CACNA1S: variants seen among roughly 807,000 people sequenced by gnomAD.
CACNA1S encodes voltage-dependent L-type calcium channel subunit alpha-1S.
In CACNA1S, 126 loss-of-function variants were observed where a neutral mutation model predicts 207.4. The ratio of observed to expected loss-of-function variants is 0.61; its 90% CI spans 0.53 to 0.70. The LOEUF (loss-of-function observed/expected upper bound fraction) is 0.70, where lower values mean the gene tolerates loss of function less well. Ranked by LOEUF, CACNA1S falls within the 30% of genes least tolerant of loss-of-function variation. The pLI, the probability that CACNA1S is intolerant of heterozygous loss-of-function variation, is 0.00. For missense variants in CACNA1S, 2,349 were observed against 2,422.8 expected (o/e 0.97, Z 0.64); for synonymous variants, 960 against 932.7 (o/e 1.03, Z -0.53).
intron 15 of CACNA1S, among the ~76,000 whole-genome samples, chr1:201,073,224 T>G (rs1211272989): frequency 6.6e-6 from 1 of 152,112 alleles, no homozygotes; most frequent in East Asian, 1.9e-4. Flanking sequence ...AGGGCAGGGC[T>G]AGCAATGGTG....
In CACNA1S at chr1:201,066,931, C is replaced by A. The variant is rs770064983; in HGVS notation, c.2613G>T (p.Leu871=). 6.2e-7 allele frequency: 1 copy of A among 1,614,220 alleles called. No homozygotes were observed. Among genetic ancestry groups the A allele is most frequent in the Non-Finnish European group, 8.5e-7 (1 of 1,180,030 alleles). ...GGGACACGGCCACCACCAGCAGGTCCAGCATGTTGAAGTAATTGCGGCAGA... is the reference window on the plus strand; with the variant it reads ...GGGACACGGCCACCACCAGCAGGTCAAGCATGTTGAAGTAATTGCGGCAGA... ...GSFCRNYFNM[L]DLLVVAVSLI... is the part of the protein sequence containing the mutation. The change falls in exon 20 of 44, where the codon CTG becomes CTT. Residue 871 remains leucine, a synonymous_variant. Transcript: ENST00000362061. This position sits in a 1 kb window ranked among gnomAD's most constrained non-coding sequence, Gnocchi z 4.3.
intron 19 of CACNA1S, among the ~76,000 whole-genome samples, chr1:201,067,697 G>T (rs1053875009): frequency 6.6e-6 from 1 of 152,040 alleles, no homozygotes; most frequent in Non-Finnish European, 1.5e-5. Context: ...TCCTTATAAT[G>T]CACTTGCTAC....
In CACNA1S at chr1:201,053,088, G is replaced by A. The variant is rs935965940; in HGVS notation, c.3861+121C>T. The A allele has an allele frequency of 1.7e-5, 19 of 1,146,196 alleles. No individual in the cohort carries two copies. Among genetic ancestry groups the A allele is most frequent in the Middle Eastern group, 2.0e-4 (1 of 5,082 alleles). 71.0% of individuals were successfully genotyped at this position (1,146,196 alleles called of 1,614,324 possible). A position where few individuals can be genotyped will look rare whatever the true frequency, so the allele number is the denominator to read the frequency against. ...GAGGTTGTCCCTCCTTCTTTCTCAC[G>A]AGCAAGGCAGGGAGGGCGGAGGGTC... On this transcript the variant is annotated intron_variant, in intron 31 of 43. Transcript: ENST00000362061. The surrounding 1 kb of genome is among the most constrained non-coding windows in gnomAD (Gnocchi z 5.1).
chr1:201,044,181 G>C (rs1558052523), intron 39 of CACNA1S, 147 bp downstream of exon 39: 8 of 857,578 alleles, frequency 9.3e-6, no homozygotes, highest in Non-Finnish European at 1.5e-5. Context: ...TCCCAGGAGA[G>C]GTGGGTGGTG....
rs1660714574 is a variant in CACNA1S, at chr1:201,053,150, G to A, written c.3861+59C>T. The A allele has an allele frequency of 1.3e-6, 2 of 1,581,284 alleles. No homozygotes were observed. Among genetic ancestry groups the A allele is most frequent in the Non-Finnish European group, 1.7e-6 (2 of 1,150,170 alleles). ...CTGCTCAGGCTCCTCAGGGTCCACT[G>A]ATGCCCCCTCTAACTTGGCCAAGAT... On this transcript the variant is annotated intron_variant, in intron 31 of 43. Transcript: ENST00000362061. The surrounding 1 kb of genome is among the most constrained non-coding windows in gnomAD (Gnocchi z 5.1).
intron 2 of CACNA1S, among the ~76,000 whole-genome samples, chr1:201,105,562 G>A (rs964935747): frequency 4.6e-5 from 7 of 152,158 alleles, no homozygotes; most frequent in South Asian, 2.1e-4. Flanking sequence ...TCAGAGGCCC[G>A]TGCCACTGTG....
At position 201,085,635 on chromosome 1, in the gene CACNA1S, G is replaced by T. The variant is rs1025550116; in HGVS notation, c.1005-54C>A. On this transcript the variant is annotated intron_variant, in intron 7 of 43. Transcript: ENST00000362061. Reference sequence around the variant, plus strand: ...GAGGAGAAGAGGGAACAGTGTCAAGGAAAGACTGAGCTTCCTGAGGACAGA... The same window carrying T: ...GAGGAGAAGAGGGAACAGTGTCAAGTAAAGACTGAGCTTCCTGAGGACAGA... 4.4e-5 allele frequency: 70 copies of T among 1,600,168 alleles called. No individual in the cohort carries two copies. The Middle Eastern group carries it at 1.5e-3, about 34-fold the overall frequency.
chr1:201,078,745 G>A (rs548256074), intron 10 of CACNA1S, among the ~76,000 whole-genome samples: 27 of 152,024 alleles, frequency 1.8e-4, no homozygotes, highest in Admixed American at 1.0e-3. Context: ...CCCCTTTTCG[G>A]GAAGCTCCCT....
At position 201,062,512 on chromosome 1, in the gene CACNA1S, C is replaced by T. The variant is rs1661089526; in HGVS notation, c.2856G>A (p.Gly952=). 1 of 1,613,764 alleles carries T rather than the reference C, an allele frequency of 6.2e-7. No homozygotes were observed. The highest frequency in any genetic ancestry group is 8.5e-7 in the Non-Finnish European group (1 of 1,179,824). ...FACIGVQLFK[G]KFFRCTDLSK... ...ACAAGTCGGTGCACCTGAAGAACTTCCCCTGCAGCCAGGAAGAGGGAGGGA... is the reference window on the plus strand; with the variant it reads ...ACAAGTCGGTGCACCTGAAGAACTTTCCCTGCAGCCAGGAAGAGGGAGGGA... Residue 952 remains glycine, a splice_region_variant and synonymous_variant, in exon 23 of 44, where the codon GGG becomes GGA. Transcript: ENST00000362061.
intron 13 of CACNA1S, 107 bp from the exon 14 acceptor site, chr1:201,074,727 A>G (rs1661546143): frequency 1.3e-6 from 1 of 742,620 alleles, no homozygotes; most frequent in African/African-American, 1.7e-5. Context: ...ACTCTCCCAG[A>G]GCTACCCATG....
At position 201,051,055 on chromosome 1, in the gene CACNA1S, C is replaced by G. The variant is rs1431549925; in HGVS notation, c.4042G>C (p.Glu1348Gln). The G allele has an allele frequency of 6.2e-7, 1 of 1,614,106 alleles. No individual in the cohort carries two copies. The highest frequency in any genetic ancestry group is 8.5e-7 in the Non-Finnish European group (1 of 1,180,034). Residue 1348 changes from glutamate to glutamine, a missense_variant, in exon 33 of 44, where the codon GAG becomes CAG. Glu to Gln is a conservative substitution (Grantham distance 29). Transcript: ENST00000362061. ...AAGTTGGTGCCACATGTGTACTCCT[C>G]CCCTGGGGCATAGTCCGACTCTGGG... ...CDPESDYAPG[E>Q]EYTCGTNFAY...
chr1:201,074,400 T>C lies in CACNA1S; in HGVS notation c.2063+106A>G, dbSNP rs368193683. 7 of 751,706 alleles carry C rather than the reference T, an allele frequency of 9.3e-6. No homozygotes were observed. In the South Asian group the frequency reaches 1.0e-4, roughly 11 times the overall value. 46.6% of individuals were successfully genotyped at this position (751,706 alleles called of 1,614,324 possible). A position where few individuals can be genotyped will look rare whatever the true frequency, so the allele number is the denominator to read the frequency against. On this transcript the variant is annotated intron_variant, in intron 14 of 43. Transcript: ENST00000362061. ...TTGCCCACTGAGGTGGGTGTCACCA[T>C]GTCAGGGACCCTGATCATTGGGTTA... is the stretch of plus-strand genomic sequence containing the variant.
At chr1:201,110,372 G>C (rs1663053508) in intron 1 of CACNA1S, 103 bp from the exon 2 acceptor site, 1 of 1,001,508 alleles carries the variant, frequency 1.0e-6, no homozygotes, top group African/African-American at 1.6e-5. Context: ...TCTGATGCCA[G>C]GCTGCTGGAC....
At chr1:201,102,775 C>T (rs1416233234) in intron 2 of CACNA1S, among the ~76,000 whole-genome samples, 1 of 152,184 alleles carries the variant, frequency 6.6e-6, no homozygotes. Flanking sequence ...ACTCCATGGT[C>T]TCAACCACTA....
chr1:201,039,755 C>G lies in CACNA1S; in HGVS notation c.*76G>C. The G allele has an allele frequency of 1.3e-6, 2 of 1,578,700 alleles. No homozygotes were observed. Among genetic ancestry groups the G allele is most frequent in the Non-Finnish European group, 1.7e-6 (2 of 1,161,628 alleles). On this transcript the variant is annotated 3_prime_UTR_variant, in exon 44 of 44. Transcript: ENST00000362061. ...GAGGGAGGCTGCTGCGGTGGGCTAG[C>G]CCTTCTCCACCCCAGCAACTTCCCC...
chr1:201,047,027 G>A, intron 38 of CACNA1S, 88 bp downstream of exon 38: 2 of 1,533,774 alleles, frequency 1.3e-6, no homozygotes, highest in Non-Finnish European at 9.0e-7. Context: ...CTCCATCATT[G>A]GCCCCTCAAG....
Position 201,052,544 on chromosome 1 carries a change from G to A in CACNA1S, c.3953+13C>T, listed in dbSNP as rs767630424. 1.0e-5 allele frequency: 16 copies of A among 1,603,862 alleles called. No homozygotes were observed. Among genetic ancestry groups the A allele is most frequent in the South Asian group, 4.4e-5 (4 of 90,872 alleles). On this transcript the variant is annotated intron_variant, in intron 32 of 43. Transcript: ENST00000362061. Reference sequence around the variant, plus strand: ...TCAGCGGGGTAGGGGTGGGGGTGGCGGGAGACGCGTGCCTGAAGAGCAGTA... The same window carrying A: ...TCAGCGGGGTAGGGGTGGGGGTGGCAGGAGACGCGTGCCTGAAGAGCAGTA...
At chr1:201,101,357 T>C (rs1662657412) in intron 2 of CACNA1S, among the ~76,000 whole-genome samples, 2 of 152,146 alleles carry the variant, frequency 1.3e-5, no homozygotes, top group African/African-American at 4.8e-5. Flanking sequence ...ACCCTCACCC[T>C]CCATAACTAG....
chr1:201,044,750 C>A (rs770912557), intron 38 of CACNA1S, among the ~76,000 whole-genome samples: 4 of 152,164 alleles, frequency 2.6e-5, no homozygotes, highest in Non-Finnish European at 5.9e-5. Context: ...ACCTTGTGAT[C>A]CACCCACTTG....
Sources: allele counts gnomAD v4.1 joint callset (sites outside exome capture counted in the v4.1 genomes callset), GRCh38; gene constraint gnomAD v4.1.1; non-coding constraint Gnocchi (gnomAD v3.1); transcripts MANE v1.5; gene names NCBI Gene and HGNC (gene_info 2026-07-23, HGNC 2026-07-21).